HIVEP3: variants seen among roughly 807,000 people sequenced by gnomAD.
HIVEP3 encodes transcription factor HIVEP3.
Under a neutral mutation model 152.8 loss-of-function variants are expected in HIVEP3, and 49 were observed. That is an observed-to-expected ratio of 0.32 (90% CI 0.26 to 0.41). HIVEP3 has a LOEUF of 0.41. Ranked by LOEUF, HIVEP3 falls within the 10% of genes least tolerant of loss-of-function variation. HIVEP3 has a pLI of 1.00. For missense variants in HIVEP3, 2,790 were observed against 3,103.3 expected (o/e 0.90, Z 2.40); for synonymous variants, 1,269 against 1,289.0 (o/e 0.98, Z 0.33).
chr1:41,905,604 T>C (rs763285881), intron 1 of HIVEP3, among the ~76,000 whole-genome samples: 1 of 152,164 alleles, frequency 6.6e-6, no homozygotes, highest in Non-Finnish European at 1.5e-5. Flanking sequence ...CTGAGGCACA[T>C]AGAGGTTAAG....
At chr1:41,526,648 CA>C (rs370656007) in intron 5 of HIVEP3, among the ~76,000 whole-genome samples, 4,145 of 40,400 alleles carry the variant, frequency 0.1, 766 homozygotes, top group Non-Finnish European at 0.16. Flanking sequence ...CTCACACCCC[CA>C]CACTCACACT....
intron 1 of HIVEP3, among the ~76,000 whole-genome samples, chr1:41,961,637 A>G (rs890735782): frequency 2.6e-5 from 4 of 152,256 alleles, no homozygotes; most frequent in Non-Finnish European, 5.9e-5. Context: ...AATGACAAAT[A>G]AATGCTCATA....
At chr1:41,897,941 GA>G (rs1644557856) in intron 1 of HIVEP3, among the ~76,000 whole-genome samples, 3 of 9,220 alleles carry the variant, frequency 3.3e-4, no homozygotes, top group African/African-American at 9.0e-4. Flanking sequence ...GAGAGAGGGA[GA>G]GAGAGAGAGA....
intron 1 of HIVEP3, among the ~76,000 whole-genome samples, chr1:41,761,083 C>A (rs1053520016): frequency 6.6e-6 from 1 of 152,224 alleles, no homozygotes. Flanking sequence ...GACTACAGGG[C>A]AGAGAGATTA....
Position 41,510,993 on chromosome 1 carries a change from C to T in HIVEP3, c.6679G>A (p.Gly2227Arg), listed in dbSNP as rs745533494. The change falls in exon 9 of 9, where the codon GGG becomes AGG. Residue 2227 changes from glycine (G) to arginine (R), a missense_variant. Around this residue, in one of 9 missense-constraint regions of HIVEP3, gnomAD observed 816 missense variants for 806.5 expected, o/e 1.01. Transcript: ENST00000372583. ...PTAAWVSGFSGGGSDLTGARE... is the reference protein window; with the variant it reads ...PTAAWVSGFSRGGSDLTGARE... ...GCCCCTGTCAGGTCGCTGCCACCCCCGGAGAAGCCACTGACCCAGGCTGCG... is the reference window on the plus strand; with the variant it reads ...GCCCCTGTCAGGTCGCTGCCACCCCTGGAGAAGCCACTGACCCAGGCTGCG... The T allele has an allele frequency of 1.7e-5, 28 of 1,613,390 alleles. No homozygotes were observed. Among genetic ancestry groups the T allele is most frequent in the Admixed American group, 5.0e-5 (3 of 59,972 alleles).
At chr1:41,547,962 G>A (rs936237262) in intron 5 of HIVEP3, among the ~76,000 whole-genome samples, 1 of 151,976 alleles carries the variant, frequency 6.6e-6, no homozygotes, top group African/African-American at 2.4e-5. Flanking sequence ...CCTGCACGGT[G>A]CTAATGCTCT....
At chr1:41,793,585 A>G (rs2124301663) in intron 1 of HIVEP3, among the ~76,000 whole-genome samples, 1 of 152,360 alleles carries the variant, frequency 6.6e-6, no homozygotes, top group African/African-American at 2.4e-5. Context: ...TATATATTTA[A>G]TGTCTACTAC....
intron 5 of HIVEP3, among the ~76,000 whole-genome samples, chr1:41,527,284 CACAT>C (rs1202956662): frequency 1.1e-5 from 1 of 88,890 alleles, no homozygotes; most frequent in Admixed American, 1.1e-4. Context: ...CACACACCCT[CACAT>C]ACACCCTCAC....
chr1:41,933,487 G>C (rs1645004976), intron 1 of HIVEP3, among the ~76,000 whole-genome samples: 1 of 152,016 alleles, frequency 6.6e-6, no homozygotes, highest in African/African-American at 2.4e-5. Flanking sequence ...AAAGACTTCA[G>C]CTTTATTTTG....
At position 41,579,966 on chromosome 1, in the gene HIVEP3, T is replaced by A; in HGVS notation, c.4832A>T (p.Tyr1611Phe). The part of the protein sequence containing the change: ...TTNVSWCYLN[Y>F]IKPNHIQHAD... ...ATGCTGGATGTGATTTGGCTTAATGTAGTTTAAATAGCACCAACTGACATT... is the reference window on the plus strand; with the variant it reads ...ATGCTGGATGTGATTTGGCTTAATGAAGTTTAAATAGCACCAACTGACATT... Residue 1611 changes from tyrosine (Y) to phenylalanine (F), a missense_variant, in exon 4 of 9, where the codon TAC becomes TTC. Coordinates refer to ENST00000372583, the MANE Select transcript of HIVEP3 (RefSeq NM_024503.5). 1 of 1,614,232 alleles carries A rather than the reference T, an allele frequency of 6.2e-7. No homozygotes were observed. The highest frequency in any genetic ancestry group is 8.5e-7 in the Non-Finnish European group (1 of 1,180,040).
At chr1:41,983,292 C>T (rs1000582299) in intron 1 of HIVEP3, among the ~76,000 whole-genome samples, 12 of 152,188 alleles carry the variant, frequency 7.9e-5, no homozygotes, top group African/African-American at 2.7e-4. Flanking sequence ...AAATTACTTA[C>T]AGCAATGAAA....
intron 3 of HIVEP3, among the ~76,000 whole-genome samples, chr1:41,594,405 T>G (rs1158297139): frequency 6.6e-6 from 1 of 152,010 alleles, no homozygotes; most frequent in Non-Finnish European, 1.5e-5. Context: ...GTATTTTTAG[T>G]AGAGATGGGG....
At chr1:41,806,328 T>C (rs527916879) in intron 1 of HIVEP3, among the ~76,000 whole-genome samples, 4 of 152,278 alleles carry the variant, frequency 2.6e-5, no homozygotes, top group Non-Finnish European at 4.4e-5. Flanking sequence ...GTGGGCATGG[T>C]AGGGGAATAG....
intron 1 of HIVEP3, among the ~76,000 whole-genome samples, chr1:41,915,383 T>C (rs962578323): frequency 2.0e-5 from 3 of 152,176 alleles, no homozygotes; most frequent in Admixed American, 2.0e-4. Flanking sequence ...TTTTTTAGTT[T>C]TTCTGTTTTT....
chr1:41,770,805 C>A (rs1266415429), intron 1 of HIVEP3, among the ~76,000 whole-genome samples: 1 of 151,520 alleles, frequency 6.6e-6, no homozygotes. Flanking sequence ...AATGTGCAAT[C>A]CTGGATTGGA....
chr1:41,667,225 C>T (rs1645808991), intron 2 of HIVEP3, among the ~76,000 whole-genome samples: 1 of 152,220 alleles, frequency 6.6e-6, no homozygotes, highest in African/African-American at 2.4e-5. Context: ...CACAGATATT[C>T]AGAGCATGCT....
At chr1:42,015,167 G>A (rs1168860042) in intron 1 of HIVEP3, among the ~76,000 whole-genome samples, 2 of 152,152 alleles carry the variant, frequency 1.3e-5, no homozygotes, top group African/African-American at 4.8e-5. Flanking sequence ...AATAAAATCA[G>A]AATTCTTCTA....
chr1:41,573,373 G>A (rs1184571045), intron 5 of HIVEP3, among the ~76,000 whole-genome samples: 8 of 152,180 alleles, frequency 5.3e-5, no homozygotes, highest in Admixed American at 3.3e-4. Flanking sequence ...AACACTCTGC[G>A]GGGTGATGCC....
chr1:41,854,450 T>C (rs1364143492), intron 1 of HIVEP3, among the ~76,000 whole-genome samples: 1 of 151,740 alleles, frequency 6.6e-6, no homozygotes, highest in Non-Finnish European at 1.5e-5. Flanking sequence ...CCTCTGAGCT[T>C]CTGCCCATGC....
Sources: allele counts gnomAD v4.1 joint callset (sites outside exome capture counted in the v4.1 genomes callset), GRCh38; gene constraint gnomAD v4.1.1; regional missense constraint gnomAD v4.1.1; transcripts MANE v1.5; gene names NCBI Gene and HGNC (gene_info 2026-07-23, HGNC 2026-07-21).